SAMD5: variants seen among roughly 807,000 people sequenced by gnomAD.
SAMD5 encodes the protein sterile alpha motif domain-containing protein 5.
In SAMD5, 13 loss-of-function variants were observed where a neutral mutation model predicts 11.3. That is an observed-to-expected ratio of 1.15 (90% CI 0.75 to 1.83). The LOEUF (loss-of-function observed/expected upper bound fraction) is 1.83. Among genes scored for constraint, SAMD5 ranks in the 40% most tolerant of loss-of-function variants. The probability of loss-of-function intolerance (pLI) is 0.00; values close to 1 mark genes in which losing one functional copy is unlikely to be tolerated. For missense variants in SAMD5, 255 were observed against 239.1 expected (o/e 1.07, Z -0.44); for synonymous variants, 129 against 111.3 (o/e 1.16, Z -1.00).
the SAMD5 span, among the ~76,000 whole-genome samples, chr6:147,781,565 G>T: frequency 6.6e-6 from 1 of 151,960 alleles, no homozygotes; most frequent in African/African-American, 2.4e-5. Flanking sequence ...ACAGAGTTCC[G>T]GTTCAGTTCT....
the SAMD5 span, among the ~76,000 whole-genome samples, chr6:147,775,838 A>C: frequency 0.07 from 10,609 of 152,242 alleles, 529 homozygotes; most frequent in African/African-American, 0.14. Context: ...AAGTCAAGTT[A>C]CCTAACCTCT....
At chr6:147,593,762 G>A (rs1789489720) in intron 1 of SAMD5, among the ~76,000 whole-genome samples, 1 of 152,102 alleles carries the variant, frequency 6.6e-6, no homozygotes, top group Non-Finnish European at 1.5e-5. Context: ...CACATCTGAA[G>A]GCTTAGAGGA....
chr6:147,836,014 C>G, the SAMD5 span, among the ~76,000 whole-genome samples: 2 of 152,228 alleles, frequency 1.3e-5, no homozygotes. Context: ...CCTGTGTGAA[C>G]AAGGCTTGGC....
At chr6:147,801,098 C>T in the SAMD5 span, among the ~76,000 whole-genome samples, 2 of 152,122 alleles carry the variant, frequency 1.3e-5, no homozygotes, top group East Asian at 1.9e-4. Flanking sequence ...ACATACGGTG[C>T]TCCTTTAGAT....
Position 147,568,788 on chromosome 6 carries a change from C to T in SAMD5, c.*4332C>T. 1.0e-6 allele frequency: 1 copy of T among 964,840 alleles called. No individual in the cohort carries two copies. Among genetic ancestry groups the T allele is most frequent in the South Asian group, 4.8e-5 (1 of 20,882 alleles). 59.8% of individuals were successfully genotyped at this position (964,840 alleles called of 1,614,324 possible). A position where few individuals can be genotyped will look rare whatever the true frequency, so the allele number is the denominator to read the frequency against. On this transcript the variant is annotated 3_prime_UTR_variant, in exon 2 of 2. Coordinates refer to ENST00000367474, the MANE Select transcript of SAMD5 (RefSeq NM_001030060.3). The stretch of plus-strand genomic sequence containing the variant: ...ATCAGATATTTTACACTATCAGATT[C>T]TTTGATTAAAAAATCATCTTCAGCT...
the SAMD5 span, among the ~76,000 whole-genome samples, chr6:147,867,661 A>G: frequency 2.0e-5 from 3 of 152,192 alleles, no homozygotes; most frequent in African/African-American, 7.2e-5. Flanking sequence ...TAATAGTGTC[A>G]TAGAGATTAC....
intron 1 of SAMD5, among the ~76,000 whole-genome samples, chr6:147,600,884 G>A (rs944354930): frequency 6.6e-6 from 1 of 152,228 alleles, no homozygotes; most frequent in Non-Finnish European, 1.5e-5. Context: ...GAATGCTGCT[G>A]TAGCAGTTCT....
the SAMD5 span, among the ~76,000 whole-genome samples, chr6:147,908,626 T>G: frequency 2.6e-5 from 4 of 152,194 alleles, no homozygotes; most frequent in African/African-American, 9.7e-5. Flanking sequence ...AACTATATGT[T>G]GCATATATAT....
chr6:147,824,203 CT>C, the SAMD5 span, among the ~76,000 whole-genome samples: 1 of 152,280 alleles, frequency 6.6e-6, no homozygotes, highest in African/African-American at 2.4e-5. Flanking sequence ...TGACATATTG[CT>C]TTGGAAAGTT....
At position 147,689,367 on chromosome 6, in the gene SAMD5, A is replaced by G. The variant is rs1481505292; in HGVS notation, c.163-47950A>G. ...AGCTCAGAAAGAATGGGCTTCAGCC[A>G]TACTTCCAAAATATACCAACTCATT... On this transcript the variant is annotated intron_variant, in intron 1 of 1. Transcript: ENST00000566741. Among the ~76,000 whole-genome samples, 4 of 152,364 alleles carry G rather than the reference A, an allele frequency of 2.6e-5. No homozygotes were observed. In the East Asian group the frequency reaches 7.7e-4, roughly 29 times the overall value.
chr6:147,544,697 T>C (rs1788658613), intron 1 of SAMD5, among the ~76,000 whole-genome samples: 1 of 152,168 alleles, frequency 6.6e-6, no homozygotes, highest in East Asian at 1.9e-4. Context: ...TTTATATCCT[T>C]TTGTTGATGG....
the SAMD5 span, among the ~76,000 whole-genome samples, chr6:147,788,003 G>C: frequency 6.6e-6 from 1 of 152,152 alleles, no homozygotes; most frequent in African/African-American, 2.4e-5. Flanking sequence ...GGTTAATAAG[G>C]CTTTTCTTTT....
At chr6:147,815,255 T>C in the SAMD5 span, among the ~76,000 whole-genome samples, 1 of 152,240 alleles carries the variant, frequency 6.6e-6, no homozygotes, top group Admixed American at 6.5e-5. Context: ...TTGTCCACTC[T>C]TTAGAACTTG....
At chr6:147,638,974 T>A (rs1419174882) in intron 1 of SAMD5, among the ~76,000 whole-genome samples, 2 of 152,308 alleles carry the variant, frequency 1.3e-5, no homozygotes, top group East Asian at 1.9e-4. Flanking sequence ...TTTTTCCCAA[T>A]GAGATCGAAA....
chr6:147,762,113 C>A, the SAMD5 span, among the ~76,000 whole-genome samples: 1 of 152,106 alleles, frequency 6.6e-6, no homozygotes, highest in Admixed American at 6.5e-5. Flanking sequence ...CAATATTCAG[C>A]TTTTATCCCA....
At chr6:147,830,572 A>G in the SAMD5 span, among the ~76,000 whole-genome samples, 5,588 of 151,942 alleles carry the variant, frequency 0.037, 145 homozygotes, top group African/African-American at 0.065. Context: ...AGCTCTTTCA[A>G]TTTGCACTTC....
the SAMD5 span, among the ~76,000 whole-genome samples, chr6:147,942,823 C>CTTTTTTTTTTTTTTTTTTTT: frequency 2.3e-5 from 3 of 128,850 alleles, 1 homozygote; most frequent in African/African-American, 8.6e-5. Context: ...CCCAATGCTT[C>CTTTTTTTTTTTTTTTTTTTT]TTTTTTTTTT....
chr6:147,871,609 A>T, the SAMD5 span, among the ~76,000 whole-genome samples: 1 of 152,326 alleles, frequency 6.6e-6, no homozygotes, highest in Admixed American at 6.5e-5. Context: ...GAATGGCAAA[A>T]TTAACAATAT....
At chr6:147,647,345 A>G (rs1790421029) in intron 1 of SAMD5, among the ~76,000 whole-genome samples, 1 of 152,068 alleles carries the variant, frequency 6.6e-6, no homozygotes, top group Non-Finnish European at 1.5e-5. Context: ...GATGATCAAG[A>G]TGAGGTTAAG....
Sources: allele counts gnomAD v4.1 joint callset (sites outside exome capture counted in the v4.1 genomes callset), GRCh38; gene constraint gnomAD v4.1.1; transcripts MANE v1.5; gene names NCBI Gene and HGNC (gene_info 2026-07-23, HGNC 2026-07-21).